Variants in DRC11 observed in about 807,000 individuals in gnomAD.
The protein encoded by DRC11 is dynein regulatory complex subunit 11.
chr2:236,380,393 C>G, the DRC11 span, among the ~76,000 whole-genome samples: 55 of 152,344 alleles, frequency 3.6e-4, no homozygotes, highest in African/African-American at 1.3e-3. This position sits in a 1 kb window ranked among gnomAD's most constrained non-coding sequence, Gnocchi z 4.9. Flanking sequence ...GCCTTCTGGG[C>G]CACCCAGGCA....
At chr2:236,441,376 C>T in the DRC11 span, among the ~76,000 whole-genome samples, 2 of 151,232 alleles carry the variant, frequency 1.3e-5, no homozygotes, top group African/African-American at 2.4e-5. Flanking sequence ...TACTTTTTTT[C>T]CTCCTTTTTT....
the DRC11 span, among the ~76,000 whole-genome samples, chr2:236,326,855 T>TTGC: frequency 2.0e-5 from 3 of 150,592 alleles, no homozygotes; most frequent in Admixed American, 2.0e-4. Flanking sequence ...AGATGGAGTC[T>TTGC]TGCTCAGGCA....
the DRC11 span, among the ~76,000 whole-genome samples, chr2:236,371,451 G>C: frequency 6.6e-6 from 1 of 152,264 alleles, no homozygotes; most frequent in South Asian, 2.1e-4. The surrounding 1 kb of genome is among the most constrained non-coding windows in gnomAD (Gnocchi z 5.1). Context: ...GTGCTTTCCA[G>C]AGGCAGGGGG....
chr2:236,365,524 G>A, the DRC11 span, among the ~76,000 whole-genome samples: 2 of 152,180 alleles, frequency 1.3e-5, no homozygotes, highest in African/African-American at 4.8e-5. This position sits in a 1 kb window ranked among gnomAD's most constrained non-coding sequence, Gnocchi z 7.4. Flanking sequence ...GCGGGTGCTG[G>A]CTGAAGCCAG....
chr2:236,334,415 A>G, the DRC11 span, among the ~76,000 whole-genome samples: 2 of 152,116 alleles, frequency 1.3e-5, no homozygotes, highest in Non-Finnish European at 2.9e-5. The surrounding 1 kb of genome is among the most constrained non-coding windows in gnomAD (Gnocchi z 7.8). Flanking sequence ...GGGAGCACAG[A>G]TGCACTGCAG....
chr2:236,487,561 C>T, the DRC11 span, among the ~76,000 whole-genome samples: 8 of 151,978 alleles, frequency 5.3e-5, no homozygotes, highest in Non-Finnish European at 1.2e-4. Flanking sequence ...GGAAAGAAAA[C>T]CTTACGGATT....
At chr2:236,433,356 A>G in the DRC11 span, among the ~76,000 whole-genome samples, 1 of 152,210 alleles carries the variant, frequency 6.6e-6, no homozygotes, top group Non-Finnish European at 1.5e-5. Context: ...TTAGGAGTCA[A>G]GGTATGTATG....
At chr2:236,346,527 C>G in the DRC11 span, among the ~76,000 whole-genome samples, 1 of 152,164 alleles carries the variant, frequency 6.6e-6, no homozygotes, top group Non-Finnish European at 1.5e-5. Context: ...GCAGCCTATG[C>G]GGGTTCCCTC....
chr2:236,497,907 G>A, the DRC11 span, among the ~76,000 whole-genome samples: 1 of 152,172 alleles, frequency 6.6e-6, no homozygotes, highest in Non-Finnish European at 1.5e-5. The surrounding 1 kb of genome is among the most constrained non-coding windows in gnomAD (Gnocchi z 5.1). Context: ...TTGAACGTGT[G>A]CATACCCTGT....
At chr2:236,449,871 A>C in the DRC11 span, among the ~76,000 whole-genome samples, 1 of 152,258 alleles carries the variant, frequency 6.6e-6, no homozygotes, top group African/African-American at 2.4e-5. The surrounding 1 kb of genome is among the most constrained non-coding windows in gnomAD (Gnocchi z 5.1). Flanking sequence ...AAGAGGAAAA[A>C]CCAGGCTGTG....
At chr2:236,491,189 TATATATATATATATATATATATACACACA>T in the DRC11 span, among the ~76,000 whole-genome samples, 54 of 18,582 alleles carry the variant, frequency 2.9e-3, 2 homozygotes, top group African/African-American at 0.029. Context: ...ATACACACAG[TATATATATATATATATATATATACACACA>T]GTATATATAT....
the DRC11 span, among the ~76,000 whole-genome samples, chr2:236,323,523 T>G: frequency 3.3e-5 from 5 of 152,302 alleles, no homozygotes; most frequent in South Asian, 1.0e-3. This position sits in a 1 kb window ranked among gnomAD's most constrained non-coding sequence, Gnocchi z 6.4. Flanking sequence ...TCCCAATTTG[T>G]ATCAGTCTGC....
chr2:236,491,059 T>TATATATACAC, the DRC11 span, among the ~76,000 whole-genome samples: 971 of 138,204 alleles, frequency 7.0e-3, 18 homozygotes, highest in African/African-American at 0.026. Context: ...TATATATATA[T>TATATATACAC]ACACACAGTA....
At chr2:236,481,931 ATAATTCTAT>A in the DRC11 span, among the ~76,000 whole-genome samples, 109 of 148,964 alleles carry the variant, frequency 7.3e-4, no homozygotes, top group South Asian at 1.1e-3. Context: ...TATTATATGT[ATAATTCTAT>A]GTATAATTCT....
chr2:236,321,821 C>T, the DRC11 span, among the ~76,000 whole-genome samples: 12 of 152,118 alleles, frequency 7.9e-5, no homozygotes, highest in Admixed American at 7.2e-4. Context: ...GACAGTAAGA[C>T]CCATATAAGA....
At chr2:236,329,464 G>A in the DRC11 span, among the ~76,000 whole-genome samples, 16,700 of 152,184 alleles carry the variant, frequency 0.11, 2,314 homozygotes, top group African/African-American at 0.32. Flanking sequence ...TACTATCATC[G>A]TTATCATACA....
At chr2:236,407,773 T>C in the DRC11 span, 1 of 301,070 alleles carries the variant, frequency 3.3e-6, no homozygotes, top group Non-Finnish European at 6.4e-6. Flanking sequence ...TAGTTTTCAC[T>C]CCTCATTTTT....
At chr2:236,442,138 A>T in the DRC11 span, among the ~76,000 whole-genome samples, 4 of 152,146 alleles carry the variant, frequency 2.6e-5, no homozygotes, top group African/African-American at 9.7e-5. Context: ...AAATGTATAA[A>T]ATATATATTT....
At chr2:236,369,792 A>G in the DRC11 span, among the ~76,000 whole-genome samples, 2 of 152,198 alleles carry the variant, frequency 1.3e-5, no homozygotes, top group East Asian at 3.8e-4. The surrounding 1 kb of genome is among the most constrained non-coding windows in gnomAD (Gnocchi z 4.5). Flanking sequence ...GCCCCTTCCC[A>G]TCCGTGCATT....
Sources: gnomAD v4.1 joint callset for allele counts (sites outside exome capture counted in the v4.1 genomes callset) on GRCh38, gnomAD v4.1.1 for gene constraint, Gnocchi (gnomAD v3.1) non-coding constraint, MANE v1.5 for transcripts, NCBI Gene and HGNC (gene_info 2026-07-23, HGNC 2026-07-21) for gene names.